The following HMGCLL1 variants were observed in gnomAD, a reference collection of about 807,000 sequenced individuals.
The protein encoded by HMGCLL1 is 3-hydroxy-3-methylglutaryl-CoA lyase like 1.
Under a neutral mutation model 39.1 loss-of-function variants are expected in HMGCLL1, and 36 were observed. That is an observed-to-expected ratio of 0.92 (90% CI 0.71 to 1.22). The LOEUF (loss-of-function observed/expected upper bound fraction) is 1.22. Among genes scored for constraint, HMGCLL1 ranks in the 50% most tolerant of loss-of-function variants. HMGCLL1 has a pLI of 0.00. For synonymous variants in HMGCLL1, 149 were observed against 144.0 expected, an observed-to-expected ratio of 1.03 and a Z score of -0.25; for missense variants, 451 against 416.5, an observed-to-expected ratio of 1.08 and a Z score of -0.72.
the HMGCLL1 span, among the ~76,000 whole-genome samples, chr6:55,603,055 A>G: frequency 6.6e-6 from 1 of 152,000 alleles, no homozygotes; most frequent in Non-Finnish European, 1.5e-5. Context: ...TTTAAGAGAG[A>G]CTGGGGAAAT....
intron 1 of HMGCLL1, 22 bp downstream of exon 1, chr6:55,578,926 A>G (rs1379988119): frequency 1.3e-6 from 2 of 1,578,492 alleles, no homozygotes; most frequent in Non-Finnish European, 1.7e-6. Flanking sequence ...GGGTGGGGAC[A>G]CCCTGGGCCG....
At chr6:55,678,546 T>C in the HMGCLL1 span, among the ~76,000 whole-genome samples, 141,999 of 152,140 alleles carry the variant, frequency 0.93, 66,548 homozygotes, top group Non-Finnish European at 0.97. Context: ...CTCACTGATA[T>C]TGAGCAAGAA....
intron 7 of HMGCLL1, among the ~76,000 whole-genome samples, chr6:55,474,094 A>C (rs1403154526): frequency 1.3e-5 from 2 of 151,454 alleles, no homozygotes; most frequent in Non-Finnish European, 3.0e-5. Context: ...ATTGATTTTC[A>C]GTATTTATCC....
intron 1 of HMGCLL1, among the ~76,000 whole-genome samples, chr6:55,559,360 T>G (rs886981337): frequency 5.3e-5 from 8 of 152,170 alleles, no homozygotes; most frequent in Non-Finnish European, 1.2e-4. Context: ...GAAGGTTAAG[T>G]CTATCTGGCA....
chr6:55,665,780 T>C, the HMGCLL1 span, among the ~76,000 whole-genome samples: 2 of 151,882 alleles, frequency 1.3e-5, no homozygotes, highest in Admixed American at 1.3e-4. Context: ...ATTTAAATTA[T>C]TGCTAAAAGT....
rs1414421839 is a variant in HMGCLL1, at chr6:55,521,194, A to G, written c.298-4591T>C. Among the ~76,000 whole-genome samples, 6 of 152,256 alleles carry G rather than the reference A, an allele frequency of 3.9e-5. No individual in the cohort carries two copies. The East Asian group carries it at 1.2e-3, about 29-fold the overall frequency. On this transcript the variant is annotated intron_variant, in intron 3 of 8. Coordinates refer to ENST00000274901, the MANE Select transcript of HMGCLL1 (RefSeq NM_001042406.2). The stretch of plus-strand genomic sequence containing the variant: ...CCCAGACAATGGCAATGGCTAAAAT[A>G]CAGTTTAAGTGTTGTTAGTGTCATC...
At chr6:55,439,973 C>T (rs1254030417) in intron 7 of HMGCLL1, among the ~76,000 whole-genome samples, 1 of 152,082 alleles carries the variant, frequency 6.6e-6, no homozygotes, top group African/African-American at 2.4e-5. Flanking sequence ...CATCAAAATG[C>T]CTTAGATGAC....
chr6:55,574,917 A>T (rs1437414828), intron 1 of HMGCLL1, among the ~76,000 whole-genome samples: 3 of 152,030 alleles, frequency 2.0e-5, no homozygotes, highest in Admixed American at 6.5e-5. Flanking sequence ...TATAAATTTA[A>T]TCTCACATAA....
intron 7 of HMGCLL1, among the ~76,000 whole-genome samples, chr6:55,445,056 A>T (rs1763756655): frequency 3.9e-5 from 6 of 152,028 alleles, no homozygotes. Context: ...AGTTTAAGCA[A>T]TTTTAAAGAG....
At chr6:55,606,382 C>G in the HMGCLL1 span, among the ~76,000 whole-genome samples, 3 of 152,020 alleles carry the variant, frequency 2.0e-5, no homozygotes, top group African/African-American at 4.8e-5. Flanking sequence ...GACAACCAGA[C>G]TTTTAGAAAA....
chr6:55,587,335 T>C, the HMGCLL1 span, among the ~76,000 whole-genome samples: 1 of 152,096 alleles, frequency 6.6e-6, no homozygotes, highest in African/African-American at 2.4e-5. Context: ...TTTCTCCCAT[T>C]CTGTAGGTCG....
At chr6:55,600,905 A>C in the HMGCLL1 span, among the ~76,000 whole-genome samples, 1 of 152,186 alleles carries the variant, frequency 6.6e-6, no homozygotes. Flanking sequence ...AAAATCTGAT[A>C]AGCAAATTAT....
chr6:55,601,410 T>C, the HMGCLL1 span, among the ~76,000 whole-genome samples: 1 of 152,158 alleles, frequency 6.6e-6, no homozygotes, highest in Admixed American at 6.6e-5. Flanking sequence ...CTGGTTCGCA[T>C]AGCAGCTAGG....
the HMGCLL1 span, among the ~76,000 whole-genome samples, chr6:55,655,647 T>A: frequency 1.3e-5 from 2 of 151,918 alleles, no homozygotes; most frequent in Non-Finnish European, 2.9e-5. Flanking sequence ...GTATGGACTC[T>A]TTCTCCACTT....
At chr6:55,588,033 T>A in the HMGCLL1 span, among the ~76,000 whole-genome samples, 1 of 152,106 alleles carries the variant, frequency 6.6e-6, no homozygotes, top group Non-Finnish European at 1.5e-5. Context: ...GGAATTGAAC[T>A]CAGCTCTGCA....
At chr6:55,534,015 A>G (rs565842749) in intron 3 of HMGCLL1, among the ~76,000 whole-genome samples, 107 of 152,278 alleles carry the variant, frequency 7.0e-4, no homozygotes, top group Non-Finnish European at 1.2e-3. Flanking sequence ...TCTACAGTAA[A>G]GACAGTGATT....
At chr6:55,509,985 T>G (rs542054090) in intron 5 of HMGCLL1, among the ~76,000 whole-genome samples, 2 of 152,046 alleles carry the variant, frequency 1.3e-5, no homozygotes, top group Admixed American at 1.3e-4. Flanking sequence ...AGTATGACAT[T>G]ATCACACCTG....
At chr6:55,676,524 C>A in the HMGCLL1 span, among the ~76,000 whole-genome samples, 1 of 152,068 alleles carries the variant, frequency 6.6e-6, no homozygotes, top group Non-Finnish European at 1.5e-5. Flanking sequence ...CCCTTTTCCT[C>A]ACCCCTTCTC....
intron 1 of HMGCLL1, among the ~76,000 whole-genome samples, chr6:55,573,060 A>G (rs1771595394): frequency 6.6e-6 from 1 of 152,186 alleles, no homozygotes. Context: ...AGGTCTCAGC[A>G]AGGAGGAGCA....
Sources: gnomAD v4.1 joint callset for allele counts (sites outside exome capture counted in the v4.1 genomes callset) on GRCh38, gnomAD v4.1.1 for gene constraint, MANE v1.5 for transcripts, NCBI Gene and HGNC (gene_info 2026-07-23, HGNC 2026-07-21) for gene names.